The following RERE variants were observed in gnomAD, a reference collection of about 807,000 sequenced individuals.
RERE encodes the protein arginine-glutamic acid dipeptide repeats.
A neutral mutation model predicts 146.1 loss-of-function variants in RERE; 40 were observed. The ratio of observed to expected loss-of-function variants is 0.27; its 90% CI spans 0.21 to 0.36. RERE has a LOEUF of 0.36. Ranked by LOEUF, RERE falls within the 10% of genes least tolerant of loss-of-function variation. The pLI is 1.00. For missense variants in RERE, 1,933 were observed against 2,138.7 expected (o/e 0.90, Z 1.90); for synonymous variants, 1,003 against 866.0 (o/e 1.16, Z -2.78).
intron 10 of RERE, among the ~76,000 whole-genome samples, chr1:8,487,047 A>G (rs1644911466): frequency 6.6e-6 from 1 of 152,210 alleles, no homozygotes; most frequent in Admixed American, 6.5e-5. Context: ...TCCTTAACAA[A>G]TTATTAGCAA....
intron 12 of RERE, among the ~76,000 whole-genome samples, chr1:8,391,562 A>AT (rs1290834107): frequency 1.1e-4 from 16 of 152,106 alleles, no homozygotes; most frequent in Middle Eastern, 3.4e-3. Flanking sequence ...GGCTCTTCTG[A>AT]TTCTATCCTT....
chr1:8,789,297 A>ATATAT (rs1468727127), intron 1 of RERE, among the ~76,000 whole-genome samples: 51 of 64,122 alleles, frequency 8.0e-4, no homozygotes, highest in South Asian at 1.5e-3. Context: ...AAAAAAAAAA[A>ATATAT]AAAAATATAT....
At chr1:8,381,321 G>A (rs560888962) in intron 12 of RERE, among the ~76,000 whole-genome samples, 3 of 152,152 alleles carry the variant, frequency 2.0e-5, no homozygotes, top group Non-Finnish European at 2.9e-5. Flanking sequence ...TGTAACCTGC[G>A]CAATCATTAG....
intron 4 of RERE, among the ~76,000 whole-genome samples, chr1:8,588,421 C>T (rs967727387): frequency 6.6e-6 from 1 of 152,302 alleles, no homozygotes; most frequent in East Asian, 1.9e-4. Flanking sequence ...TTCCCAAACC[C>T]CTCATCGAAG....
chr1:8,712,708 T>G (rs1317148692), intron 1 of RERE, among the ~76,000 whole-genome samples: 1 of 152,160 alleles, frequency 6.6e-6, no homozygotes, highest in Non-Finnish European at 1.5e-5. Context: ...ACATGAGCCC[T>G]GTGCTATTTA....
At chr1:8,588,169 G>A (rs1188412635) in intron 4 of RERE, among the ~76,000 whole-genome samples, 1 of 152,136 alleles carries the variant, frequency 6.6e-6, no homozygotes, top group Non-Finnish European at 1.5e-5. Flanking sequence ...CTGCGCAATG[G>A]ACTGTTCTTC....
At chr1:8,743,690 C>T (rs1007000019) in intron 1 of RERE, among the ~76,000 whole-genome samples, 2 of 152,014 alleles carry the variant, frequency 1.3e-5, no homozygotes, top group African/African-American at 4.8e-5. Context: ...TAACAAGGGC[C>T]TTGGGGATAT....
Position 8,585,321 on chromosome 1 carries a change from G to T in RERE, c.523-27798C>A, listed in dbSNP as rs545431878. Among the ~76,000 whole-genome samples the T allele has an allele frequency of 6.2e-4, 95 of 152,188 alleles. 2 individuals carry two copies. In the South Asian group the frequency reaches 0.018, roughly 30 times the overall value. On this transcript the variant is annotated intron_variant, in intron 4 of 22. Transcript: ENST00000400908. ...ACAGCGTGTTGTATCAGTATAAATT[G>T]TAAGACATCATATATAATATTTCCC...
chr1:8,789,323 T>TAC (rs1471731742), intron 1 of RERE, among the ~76,000 whole-genome samples: 1 of 121,400 alleles, frequency 8.2e-6, no homozygotes, highest in Non-Finnish European at 1.7e-5. Context: ...TATATATATA[T>TAC]ATGAGAGATA....
At position 8,622,039 on chromosome 1, in the gene RERE, TCTAAACATACTGCACC is replaced by T. The variant is rs1392458206; in HGVS notation, c.396+2255_396+2270del. 2.0e-5 allele frequency among the ~76,000 whole-genome samples: 3 copies of T among 152,320 alleles called. No individual in the cohort carries two copies. The East Asian group carries it at 5.8e-4, about 29-fold the overall frequency. On this transcript the variant is annotated intron_variant, in intron 3 of 22. Coordinates refer to ENST00000400908, the MANE Select transcript of RERE (RefSeq NM_001042681.2). ...GCAGTGTGTGATTTAGAAAAAGGTA[TCTAAACATACTGCACC>T]CTACTTCCCACACTGTTTTTGTAGA...
At chr1:8,498,412 G>A (rs569485103) in intron 8 of RERE, among the ~76,000 whole-genome samples, 1 of 151,328 alleles carries the variant, frequency 6.6e-6, no homozygotes, top group South Asian at 2.1e-4. Context: ...ATATATAGTT[G>A]AGGCTGGGCA....
At chr1:8,721,483 T>C (rs1354242463) in intron 1 of RERE, among the ~76,000 whole-genome samples, 1 of 152,064 alleles carries the variant, frequency 6.6e-6, no homozygotes, top group Non-Finnish European at 1.5e-5. Context: ...AGCTAATTTT[T>C]TTCTATTTTT....
At chr1:8,651,726 GAA>G (rs796750699) in intron 2 of RERE, among the ~76,000 whole-genome samples, 3 of 104,960 alleles carry the variant, frequency 2.9e-5, no homozygotes, top group African/African-American at 3.5e-5. Context: ...TGTCTCAAAA[GAA>G]AAAAAAAAAA....
intron 16 of RERE, 32 bp downstream of exon 16, chr1:8,362,651 G>C (rs373986914): frequency 8.1e-6 from 13 of 1,613,614 alleles, no homozygotes; most frequent in Admixed American, 1.7e-5. Flanking sequence ...GGGAGGGACA[G>C]AGTAGGCCCT....
intron 4 of RERE, among the ~76,000 whole-genome samples, chr1:8,609,958 G>A (rs1238740085): frequency 6.6e-6 from 1 of 151,992 alleles, no homozygotes; most frequent in Non-Finnish European, 1.5e-5. Flanking sequence ...TCGCAGAGAT[G>A]GGATTTCACC....
chr1:8,688,509 C>CA (rs1228631835), intron 1 of RERE, among the ~76,000 whole-genome samples: 1 of 150,476 alleles, frequency 6.6e-6, no homozygotes, highest in Non-Finnish European at 1.5e-5. Context: ...TGCAGTGAGC[C>CA]AAAATTGTAC....
intron 11 of RERE, among the ~76,000 whole-genome samples, chr1:8,436,819 G>C (rs1644176091): frequency 6.6e-6 from 1 of 152,066 alleles, no homozygotes; most frequent in Admixed American, 6.5e-5. Context: ...TTCCTGCTCA[G>C]TCTTTGAAAT....
chr1:8,499,373 G>C (rs887150176), intron 8 of RERE, among the ~76,000 whole-genome samples: 1 of 152,200 alleles, frequency 6.6e-6, no homozygotes, highest in African/African-American at 2.4e-5. Flanking sequence ...TCCAAGTGCT[G>C]AACAGCTATG....
intron 1 of RERE, among the ~76,000 whole-genome samples, chr1:8,703,500 T>G (rs1445876816): frequency 2.6e-5 from 4 of 151,766 alleles, no homozygotes; most frequent in Non-Finnish European, 4.4e-5. Flanking sequence ...GCACCCCTGC[T>G]GGCCGCCGCC....
Sources: allele counts gnomAD v4.1 joint callset (sites outside exome capture counted in the v4.1 genomes callset), GRCh38; gene constraint gnomAD v4.1.1; transcripts MANE v1.5; gene names NCBI Gene and HGNC (gene_info 2026-07-23, HGNC 2026-07-21).